CTC1: variants seen among roughly 807,000 people sequenced by gnomAD.
CTC1 encodes the protein CST telomere replication complex component 1.
Under a neutral mutation model 136.3 loss-of-function variants are expected in CTC1, and 91 were observed. That is an observed-to-expected ratio of 0.67 (90% CI 0.56 to 0.79). The LOEUF (loss-of-function observed/expected upper bound fraction) is 0.79. CTC1 is among the 30% of genes least tolerant of loss of function. The pLI is 0.00. For synonymous variants in CTC1, 606 were observed against 613.8 expected (o/e 0.99, Z 0.19); for missense variants, 1,432 against 1,498.1 (o/e 0.96, Z 0.73).
rs1221759970 is a variant in CTC1, at chr17:8,228,451, C to G, written c.3514+52G>C. 6 of 1,613,620 alleles carry G rather than the reference C, an allele frequency of 3.7e-6. No homozygotes were observed. The Admixed American group carries it at 1.0e-4, about 27-fold the overall frequency. ...CTCTTCCTCCCAGGGACCCATCTATCTCTATCACCATGATCCCCCTATCAT... is the reference window on the plus strand; with the variant it reads ...CTCTTCCTCCCAGGGACCCATCTATGTCTATCACCATGATCCCCCTATCAT... On this transcript the variant is annotated intron_variant, in intron 22 of 22. Coordinates refer to ENST00000651323, the MANE Select transcript of CTC1 (RefSeq NM_025099.6).
intron 2 of CTC1, among the ~76,000 whole-genome samples, chr17:8,239,197 G>C (rs1988014795): frequency 6.6e-6 from 1 of 152,006 alleles, no homozygotes; most frequent in Non-Finnish European, 1.5e-5. Context: ...AGGACCCAGA[G>C]AAATGAAGTA....
rs1057004265 is a variant in CTC1, at chr17:8,225,019, A to G, written c.*3161T>C. ...CGCCTGGCTAATTTTTTGCATTTTT[A>G]GTAGAGACGAGGTTTCACTATGTTA... On this transcript the variant is annotated 3_prime_UTR_variant, in exon 23 of 23. Transcript: ENST00000651323. 1.3e-5 allele frequency: 2 copies of G among 152,098 alleles called. No individual in the cohort carries two copies. Among genetic ancestry groups the G allele is most frequent in the Non-Finnish European group, 2.9e-5 (2 of 68,034 alleles). The allele number at this position is 152,098 out of a possible 1,614,324, so 9.4% of individuals were successfully genotyped here.
chr17:8,241,428 C>T (rs114581534), intron 2 of CTC1, among the ~76,000 whole-genome samples: 42 of 151,978 alleles, frequency 2.8e-4, no homozygotes, highest in African/African-American at 8.7e-4. Context: ...GATACCAGTA[C>T]GGCCAATGGT....
Position 8,238,144 on chromosome 17 carries a change from G to C in CTC1, c.534C>G (p.His178Gln), listed in dbSNP as rs1251648065. ...PARWNSSGEG[H>Q]LELWDAPVPV... is the part of the protein sequence containing the mutation. Reference sequence around the variant, plus strand: ...GCACAGGGGCATCCCACAGCTCCAAGTGCCCTTCCCCTGAGGAATTCCACC... The same window carrying C: ...GCACAGGGGCATCCCACAGCTCCAACTGCCCTTCCCCTGAGGAATTCCACC... Residue 178 changes from histidine to glutamine, a missense_variant, in exon 4 of 23, where the codon CAC becomes CAG. Transcript: ENST00000651323. 6.2e-7 allele frequency: 1 copy of C among 1,614,146 alleles called. No homozygotes were observed.
In CTC1 at chr17:8,235,863, T is replaced by A; in HGVS notation, c.1174A>T (p.Arg392Trp). The change falls in exon 7 of 23, where the codon AGG (arginine) becomes TGG (tryptophan). Residue 392 changes from arginine (R) to tryptophan (W), a missense_variant. Transcript: ENST00000651323. ...CACACTCCAGGTCGCATCACCCGCC[T>A]AAGGCCACGGAACTGCTGGTAGGCA... ...CLAYQQFRGL[R>W]RVMRPGVCLQ... is the part of the protein sequence containing the mutation. 6.2e-7 allele frequency: 1 copy of A among 1,613,738 alleles called. No homozygotes were observed. The highest frequency in any genetic ancestry group is 8.5e-7 in the Non-Finnish European group (1 of 1,179,728).
In CTC1 at chr17:8,235,913, A is replaced by G; in HGVS notation, c.1124T>C (p.Leu375Pro). 6.2e-7 allele frequency: 1 copy of G among 1,613,696 alleles called. No individual in the cohort carries two copies. The highest frequency in any genetic ancestry group is 8.5e-7 in the Non-Finnish European group (1 of 1,179,646). Residue 375 changes from leucine (L) to proline (P), a missense_variant, in exon 7 of 23, where the codon CTG (leucine) becomes CCG (proline). Leu to Pro is a moderately conservative substitution (Grantham distance 98). Coordinates refer to ENST00000651323, the MANE Select transcript of CTC1 (RefSeq NM_025099.6). ...VLNEPAGLYE[L>P]DGQLGLCLAY... ...AAGGCAGAGCCCCAGCTGCCCATCC[A>G]GCTCATAGAGGCCAGCGGGCTCATT...
At chr17:8,230,696 C>A (rs1163251051) in intron 15 of CTC1, 45 bp from the exon 16 acceptor site, 1 of 1,514,448 alleles carries the variant, frequency 6.6e-7, no homozygotes, top group African/African-American at 1.4e-5. Flanking sequence ...CACAAGAAAG[C>A]ACAGAGTGGA....
chr17:8,234,742 C>G lies in CTC1; in HGVS notation c.1617+7G>C, dbSNP rs762610520. On this transcript the variant is annotated splice_region_variant and intron_variant, in intron 9 of 22. Transcript: ENST00000651323. ...TCTGCCACCATCCTTCCCCCACATC[C>G]TCATACTTTCTGGAGGGGACAGTGA... is the stretch of plus-strand genomic sequence containing the variant. 8.8e-6 allele frequency: 14 copies of G among 1,585,706 alleles called. No individual in the cohort carries two copies. The highest frequency in any genetic ancestry group is 1.2e-5 in the Non-Finnish European group (14 of 1,164,506).
At chr17:8,241,849 CA>C (rs59476896) in intron 2 of CTC1, among the ~76,000 whole-genome samples, 63 of 96,328 alleles carry the variant, frequency 6.5e-4, no homozygotes, top group African/African-American at 1.5e-3. Context: ...GACCCTGTCT[CA>C]AAAAAAAAAA....
chr17:8,240,316 G>A (rs576136456), intron 2 of CTC1, among the ~76,000 whole-genome samples: 5 of 151,588 alleles, frequency 3.3e-5, no homozygotes, highest in Non-Finnish European at 7.4e-5. Context: ...CACCATGCCT[G>A]GCTAATTTTT....
rs3027244 is a variant in CTC1, at chr17:8,228,347, C to T, written c.3515-28G>A. The stretch of plus-strand genomic sequence containing the variant: ...GAGGTGGGAAGAGAGGAAAAACACA[C>T]GTCTCAGGCATGTGGCTTTTAGTTC... On this transcript the variant is annotated intron_variant, in intron 22 of 22. Coordinates refer to ENST00000651323, the MANE Select transcript of CTC1 (RefSeq NM_025099.6). The T allele has an allele frequency of 0.026, 42,119 of 1,611,454 alleles. 700 individuals carry two copies. Among genetic ancestry groups the T allele is most frequent in the Admixed American group, 0.061 (3,633 of 59,968 alleles).
chr17:8,235,373 C>G (rs956389556), intron 7 of CTC1, 88 bp from the exon 8 acceptor site: 21 of 1,015,246 alleles, frequency 2.1e-5, no homozygotes, highest in Admixed American at 4.2e-5. Context: ...TTGCCACTGC[C>G]TGGGTTCCAG....
intron 5 of CTC1, among the ~76,000 whole-genome samples, 198 bp downstream of exon 5, chr17:8,237,177 T>C (rs1477883560): frequency 1.3e-5 from 2 of 152,016 alleles, no homozygotes; most frequent in Non-Finnish European, 2.9e-5. Flanking sequence ...CTCAAGTGAG[T>C]TGCACAGCGG....
rs200325111 is a variant in CTC1 at position 8,235,972 on chromosome 17, C to T, written c.1078-13G>A. 9 of 1,602,126 alleles carry T rather than the reference C, an allele frequency of 5.6e-6. No homozygotes were observed. Among genetic ancestry groups the T allele is most frequent in the African/African-American group, 2.7e-5 (2 of 74,836 alleles). On this transcript the variant is annotated splice_polypyrimidine_tract_variant and intron_variant, in intron 6 of 22. Transcript: ENST00000651323. ...CAGTGACTGCTCCCTGCAAACAGGC[C>T]GAGGTCCAGTTGACCACTATTTTCT...
intron 5 of CTC1, among the ~76,000 whole-genome samples, chr17:8,236,660 G>A (rs990316143): frequency 6.6e-6 from 1 of 152,130 alleles, no homozygotes; most frequent in African/African-American, 2.4e-5. Flanking sequence ...TGTAATCAAA[G>A]TGTATTGAGT....
At position 8,227,366 on chromosome 17, in the gene CTC1, T is replaced by C. The variant is rs1439047281; in HGVS notation, c.*814A>G. The C allele has an allele frequency of 1.3e-5, 2 of 152,214 alleles. No homozygotes were observed. Among genetic ancestry groups the C allele is most frequent in the Admixed American group, 6.5e-5 (1 of 15,284 alleles). The allele number at this position is 152,214 out of a possible 1,614,324, so 9.4% of individuals were successfully genotyped here. On this transcript the variant is annotated 3_prime_UTR_variant, in exon 23 of 23. Transcript: ENST00000651323. ...ACGGTTGTGATTTCGGAGCACCTTC[T>C]GGTCTCAAGGTATATCGATCAAGGA...
In CTC1 at chr17:8,227,074, C is replaced by T. The variant is rs1444722126; in HGVS notation, c.*1106G>A. 5 of 150,894 alleles carry T rather than the reference C, an allele frequency of 3.3e-5. No individual in the cohort carries two copies. The highest frequency in any genetic ancestry group is 3.9e-4 in the East Asian group (2 of 5,188). The allele number at this position is 150,894 out of a possible 1,614,324, so 9.3% of individuals were successfully genotyped here. A position where few individuals can be genotyped will look rare whatever the true frequency, so the allele number is the denominator to read the frequency against. ...ACTGAGCTAACCGGCCACTAACTTT[C>T]CGGGTCTACTTCAAATCTTAATATA... On this transcript the variant is annotated 3_prime_UTR_variant, in exon 23 of 23. Transcript: ENST00000651323.
At position 8,234,931 on chromosome 17, in the gene CTC1, GC is replaced by G; in HGVS notation, c.1440-6del. On this transcript the variant is annotated splice_region_variant and splice_polypyrimidine_tract_variant and intron_variant, in intron 8 of 22. Coordinates refer to ENST00000651323, the MANE Select transcript of CTC1 (RefSeq NM_025099.6). ...CTCAGCACATGGGGACACAGCCTTG[GC>G]CAGGAAAAGCAGCACAGTCACTTCC... is the stretch of plus-strand genomic sequence containing the variant. 1 of 1,594,330 alleles carries G rather than the reference GC, an allele frequency of 6.3e-7. No homozygotes were observed. The highest frequency in any genetic ancestry group is 8.6e-7 in the Non-Finnish European group (1 of 1,168,830).
chr17:8,232,861 ACCACCATC>A, intron 11 of CTC1, 37 bp downstream of exon 11: 1 of 1,601,742 alleles, frequency 6.2e-7, no homozygotes, highest in South Asian at 1.1e-5. Flanking sequence ...GGCTATGAGA[ACCACCATC>A]CCACTACCAT....
Sources: allele counts gnomAD v4.1 joint callset (sites outside exome capture counted in the v4.1 genomes callset), GRCh38; gene constraint gnomAD v4.1.1; transcripts MANE v1.5; gene names NCBI Gene and HGNC (gene_info 2026-07-23, HGNC 2026-07-21).